Variants in RRP12 observed in about 807,000 individuals in gnomAD.
The protein encoded by RRP12 is RRP12-like protein.
In RRP12, 78 loss-of-function variants were observed where a neutral mutation model predicts 157.3. The observed-to-expected ratio is 0.50, with a 90% CI of 0.41 to 0.60. The LOEUF (loss-of-function observed/expected upper bound fraction) is 0.60. Ranked by LOEUF, RRP12 falls within the 20% of genes least tolerant of loss-of-function variation. RRP12 has a pLI of 0.00. For missense variants in RRP12, 1,521 were observed against 1,679.9 expected (o/e 0.91, Z 1.65); for synonymous variants, 726 against 670.9 (o/e 1.08, Z -1.27).
chr10:97,359,492 G>T (rs2134994206), intron 31 of RRP12, among the ~76,000 whole-genome samples: 1 of 152,310 alleles, frequency 6.6e-6, no homozygotes, highest in African/African-American at 2.4e-5. Context: ...TTAACCCATT[G>T]TAACAGATGT....
At chr10:97,387,335 C>CTTT (rs34534343) in intron 8 of RRP12, among the ~76,000 whole-genome samples, 2 of 137,922 alleles carry the variant, frequency 1.5e-5, no homozygotes, top group African/African-American at 2.7e-5. Context: ...TTTCTTTTTC[C>CTTT]TTTTTTTTTT....
At chr10:97,360,316 G>T (rs958719970) in intron 31 of RRP12, among the ~76,000 whole-genome samples, 1 of 152,148 alleles carries the variant, frequency 6.6e-6, no homozygotes, top group African/African-American at 2.4e-5. Flanking sequence ...TCCTCAGAAG[G>T]CTGGTGGTTC....
rs1589418974 is a variant in RRP12, at chr10:97,370,942, G to T, written c.2483C>A (p.Thr828Asn). 1 of 1,614,044 alleles carries T rather than the reference G, an allele frequency of 6.2e-7. No individual in the cohort carries two copies. The change falls in exon 21 of 34, where the codon ACC becomes AAC. Residue 828 changes from threonine to asparagine, a missense_variant. Thr to Asn is a moderately conservative substitution (Grantham distance 65, BLOSUM62 0). Transcript: ENST00000370992. ...CCTCACCCTCTTGGCGGGTGAGGAGGTGCTCCGCAGCGAGTCCAGCAGTGT... is the reference window on the plus strand; with the variant it reads ...CCTCACCCTCTTGGCGGGTGAGGAGTTGCTCCGCAGCGAGTCCAGCAGTGT... ...KKTLLDSLRS[T>N]SSPAKRPRLK...
chr10:97,363,328 A>G (rs913485318), intron 30 of RRP12, among the ~76,000 whole-genome samples: 1 of 152,238 alleles, frequency 6.6e-6, no homozygotes, highest in Non-Finnish European at 1.5e-5. Context: ...CAGCACTGCC[A>G]GGTCAACAGG....
At chr10:97,399,590 C>T (rs996791321) in intron 2 of RRP12, among the ~76,000 whole-genome samples, 1 of 151,996 alleles carries the variant, frequency 6.6e-6, no homozygotes, top group African/African-American at 2.4e-5. Context: ...CACGGTGGCT[C>T]ATGCCTGTAA....
Position 97,373,859 on chromosome 10 carries a change from A to G in RRP12, c.1834T>C (p.Ser612Pro), listed in dbSNP as rs1844230615. ...DLAQAGSTVE[S>P]KIYDTLQWQM... is the part of the protein sequence containing the mutation. Reference sequence around the variant, plus strand: ...CACTGGAGTGTGTCGTAGATCTTAGATTCCACTGTGCTGCCTGCCTGAGCC... The same window carrying G: ...CACTGGAGTGTGTCGTAGATCTTAGGTTCCACTGTGCTGCCTGCCTGAGCC... The change falls in exon 16 of 34, where the codon TCT becomes CCT. Residue 612 changes from serine (S) to proline (P), a missense_variant. Coordinates refer to ENST00000370992, the MANE Select transcript of RRP12 (RefSeq NM_015179.4). 6.2e-7 allele frequency: 1 copy of G among 1,613,792 alleles called. No individual in the cohort carries two copies. Among genetic ancestry groups the G allele is most frequent in the African/African-American group, 1.3e-5 (1 of 75,022 alleles).
At position 97,358,956 on chromosome 10, in the gene RRP12, T is replaced by G; in HGVS notation, c.3695A>C (p.Glu1232Ala). ...PVAKKAMPGA[E>A]YKAKKAKGDV... The stretch of plus-strand genomic sequence containing the variant: ...TGCAGCACTTACCTTGGCCTTGTAT[T>G]CAGCCCCAGGCATAGCCTTCTTGGC... The change falls in exon 32 of 34, where the codon GAA becomes GCA. Residue 1232 changes from glutamate to alanine, a missense_variant. Coordinates refer to ENST00000370992, the MANE Select transcript of RRP12 (RefSeq NM_015179.4). 1 of 1,613,786 alleles carries G rather than the reference T, an allele frequency of 6.2e-7. No homozygotes were observed. The highest frequency in any genetic ancestry group is 1.7e-4 in the Middle Eastern group (1 of 6,060).
chr10:97,386,227 CA>C (rs927063040), intron 8 of RRP12, among the ~76,000 whole-genome samples: 1 of 148,494 alleles, frequency 6.7e-6, no homozygotes, highest in East Asian at 1.9e-4. Context: ...ACATAACAGC[CA>C]AAAAAGCAGG....
At chr10:97,370,609 G>A (rs1844120062) in intron 22 of RRP12, 49 bp from the exon 23 acceptor site, 3 of 1,591,704 alleles carry the variant, frequency 1.9e-6, no homozygotes, top group Admixed American at 3.3e-5. Context: ...CATCTGCCCG[G>A]GAAGCGAATC....
intron 10 of RRP12, among the ~76,000 whole-genome samples, chr10:97,384,650 A>AGAGGCTC (rs1415716024): frequency 6.7e-6 from 1 of 149,536 alleles, no homozygotes; most frequent in Non-Finnish European, 1.5e-5. Context: ...CAGCCTGGAC[A>AGAGGCTC]GAGGCTCTGA....
intron 25 of RRP12, among the ~76,000 whole-genome samples, chr10:97,367,999 T>C (rs60008603): frequency 0.018 from 2,673 of 149,930 alleles, 53 homozygotes; most frequent in African/African-American, 0.048. Flanking sequence ...CCCAAAGTAC[T>C]GGGATTACAG....
chr10:97,376,730 C>G (rs533275003), intron 15 of RRP12, among the ~76,000 whole-genome samples: 1 of 152,122 alleles, frequency 6.6e-6, no homozygotes, highest in South Asian at 2.1e-4. Context: ...CGGTAACAAC[C>G]AAAAATGTCT....
chr10:97,363,096 A>G (rs904612195), intron 30 of RRP12, among the ~76,000 whole-genome samples: 2 of 152,196 alleles, frequency 1.3e-5, no homozygotes, highest in Non-Finnish European at 2.9e-5. Flanking sequence ...TTCCCCACCG[A>G]TATCACTATA....
rs1351664706 is a variant in RRP12, at chr10:97,369,249, GC to G, written c.2955+175del. ...GTGAAGAAAGCCACCTGGGCAGTGTGCCCCCTCCTCGCCTCCACCTGACAGG... is the reference window on the plus strand; with the variant it reads ...GTGAAGAAAGCCACCTGGGCAGTGTGCCCCTCCTCGCCTCCACCTGACAGG... On this transcript the variant is annotated intron_variant, in intron 25 of 33. Coordinates refer to ENST00000370992, the MANE Select transcript of RRP12 (RefSeq NM_015179.4). 2.6e-5 allele frequency among the ~76,000 whole-genome samples: 4 copies of G among 152,208 alleles called. No homozygotes were observed. In the East Asian group the frequency reaches 7.7e-4, roughly 29 times the overall value.
chr10:97,383,940 G>A (rs1183105807), intron 10 of RRP12, among the ~76,000 whole-genome samples: 1 of 152,178 alleles, frequency 6.6e-6, no homozygotes, highest in Non-Finnish European at 1.5e-5. Context: ...ATCAGACCCT[G>A]TCAGAACGAG....
rs780031932 is a variant in RRP12, at chr10:97,370,788, C to G, written c.2511G>C (p.Leu837Phe). The G allele has an allele frequency of 1.6e-5, 26 of 1,613,870 alleles. 1 individual carries two copies. The Middle Eastern group carries it at 8.2e-4, about 51-fold the overall frequency. ...STSSPAKRPR[L>F]KCLLHIVRKL... is the part of the protein sequence containing the mutation. ...TCCTCACGATGTGTAGGAGGCACTTCAAACGGGGCTGTGGGCAAAGGGCTA... is the reference window on the plus strand; with the variant it reads ...TCCTCACGATGTGTAGGAGGCACTTGAAACGGGGCTGTGGGCAAAGGGCTA... Residue 837 changes from leucine to phenylalanine, a missense_variant, in exon 22 of 34, where the codon TTG becomes TTC. By Grantham distance (22) the Leu-to-Phe change is conservative (BLOSUM62 0). Coordinates refer to ENST00000370992, the MANE Select transcript of RRP12 (RefSeq NM_015179.4).
At position 97,366,157 on chromosome 10, in the gene RRP12, T is replaced by A; in HGVS notation, c.3468A>T (p.Ile1156=). The A allele has an allele frequency of 6.2e-7, 1 of 1,607,724 alleles. No individual in the cohort carries two copies. ...TCTTGTTGCCGTCTGCCTCCTCCCT[T>A]ATGATCAGCCGGCCATCGGCGCTCA... The part of the protein sequence containing the change: ...FKVSADGRLI[I]REEADGNKME... The change falls in exon 29 of 34, where the codon ATA becomes ATT. Residue 1156 remains isoleucine (I), a synonymous_variant. Coordinates refer to ENST00000370992, the MANE Select transcript of RRP12 (RefSeq NM_015179.4).
chr10:97,360,924 T>C (rs1843827462), intron 30 of RRP12, among the ~76,000 whole-genome samples: 1 of 152,234 alleles, frequency 6.6e-6, no homozygotes, highest in African/African-American at 2.4e-5. Context: ...AGAGGGCTTC[T>C]GACATCAGCT....
chr10:97,372,369 A>G (rs766559299), intron 19 of RRP12, among the ~76,000 whole-genome samples: 1 of 152,168 alleles, frequency 6.6e-6, no homozygotes, highest in Non-Finnish European at 1.5e-5. Context: ...GGTGTTTTAC[A>G]CCTGCTAACT....
Sources: allele counts gnomAD v4.1 joint callset (sites outside exome capture counted in the v4.1 genomes callset), GRCh38; gene constraint gnomAD v4.1.1; transcripts MANE v1.5; gene names NCBI Gene and HGNC (gene_info 2026-07-23, HGNC 2026-07-21).